Variants in KAZN observed in about 807,000 individuals in gnomAD.
KAZN encodes the protein kazrin.
KAZN carries 40 observed loss-of-function variants against 87.4 expected under a neutral mutation model. The observed-to-expected ratio is 0.46, with a 90% CI of 0.36 to 0.60. The LOEUF (loss-of-function observed/expected upper bound fraction) is 0.60, where lower values mean the gene tolerates loss of function less well. Among genes scored for constraint, KAZN ranks in the 20% least tolerant of loss-of-function variants. KAZN has a pLI of 0.00. For synonymous variants in KAZN, 466 were observed against 458.3 expected (o/e 1.02, Z -0.22); for missense variants, 898 against 1,073.9 (o/e 0.84, Z 2.29).
chr1:14,713,988 G>A (rs893024645), intron 1 of KAZN, among the ~76,000 whole-genome samples: 5 of 151,946 alleles, frequency 3.3e-5, no homozygotes, highest in African/African-American at 1.2e-4. Flanking sequence ...AAATAATATT[G>A]CCAAGGTTGA....
intron 1 of KAZN, among the ~76,000 whole-genome samples, chr1:14,936,570 C>T (rs1660481481): frequency 6.6e-6 from 1 of 152,140 alleles, no homozygotes; most frequent in African/African-American, 2.4e-5. Context: ...CCTCCACCCT[C>T]CCAGCAGTTA....
At chr1:13,950,850 C>T (rs567094438) in intron 1 of KAZN, among the ~76,000 whole-genome samples, 5 of 152,222 alleles carry the variant, frequency 3.3e-5, no homozygotes, top group African/African-American at 7.2e-5. Flanking sequence ...CCTCTTGGGG[C>T]GTTTCAGGGG....
intron 1 of KAZN, among the ~76,000 whole-genome samples, chr1:14,614,618 A>G (rs548683151): frequency 3.9e-5 from 6 of 152,332 alleles, no homozygotes; most frequent in African/African-American, 9.6e-5. Context: ...GCGCAAAACC[A>G]AATGTGATCT....
intron 1 of KAZN, among the ~76,000 whole-genome samples, chr1:14,712,182 A>G (rs1284038524): frequency 6.6e-6 from 1 of 152,222 alleles, no homozygotes; most frequent in African/African-American, 2.4e-5. Context: ...GGCAGTCTCT[A>G]ATTTGCATGT....
chr1:13,927,868 G>A (rs1466215030), intron 1 of KAZN, among the ~76,000 whole-genome samples: 1 of 152,226 alleles, frequency 6.6e-6, no homozygotes, highest in Admixed American at 6.5e-5. Flanking sequence ...TGAGACCTGA[G>A]TGATGGAAAA....
rs144646203 is a variant in KAZN, at chr1:14,837,485, C to T, written c.227-123199C>T. 3.4e-3 allele frequency among the ~76,000 whole-genome samples: 516 copies of T among 152,172 alleles called. 4 individuals carry two copies. The highest frequency in any genetic ancestry group is 0.012 in the African/African-American group (481 of 41,512). On this transcript the variant is annotated intron_variant, in intron 1 of 14. Transcript: ENST00000376030. Reference sequence around the variant, plus strand: ...AAGTGCTGGGATTTTAGGCGTGAGCCACTGTGCCTGGCCCATACCTGTTGT... The same window carrying T: ...AAGTGCTGGGATTTTAGGCGTGAGCTACTGTGCCTGGCCCATACCTGTTGT...
chr1:14,474,445 G>A (rs1432421108), intron 2 of KAZN, among the ~76,000 whole-genome samples: 1 of 152,110 alleles, frequency 6.6e-6, no homozygotes, highest in Non-Finnish European at 1.5e-5. Flanking sequence ...CTATCCAAGG[G>A]GAGACTATTC....
At chr1:14,784,290 A>G (rs993634394) in intron 1 of KAZN, among the ~76,000 whole-genome samples, 5 of 152,184 alleles carry the variant, frequency 3.3e-5, no homozygotes, top group Admixed American at 3.3e-4. Flanking sequence ...ACATCTACAA[A>G]ATACCTTCCT....
intron 2 of KAZN, among the ~76,000 whole-genome samples, chr1:14,222,763 G>A (rs1282397430): frequency 6.6e-6 from 1 of 152,162 alleles, no homozygotes; most frequent in Admixed American, 6.5e-5. Flanking sequence ...TAAGGATGAC[G>A]TTCTTTCACT....
intron 3 of KAZN, among the ~76,000 whole-genome samples, chr1:15,043,217 T>C (rs1462678871): frequency 1.3e-5 from 2 of 152,184 alleles, no homozygotes; most frequent in Admixed American, 6.5e-5. Context: ...GTCCAGACAA[T>C]TGGGGTCGCT....
intron 2 of KAZN, among the ~76,000 whole-genome samples, chr1:14,397,861 CAAAAAAAAAAA>C (rs761120479): frequency 2.5e-5 from 1 of 40,644 alleles, no homozygotes. Context: ...AACTCCATCT[CAAAAAAAAAAA>C]AAAAAAAAAA....
intron 1 of KAZN, among the ~76,000 whole-genome samples, chr1:14,045,162 A>G (rs1475760876): frequency 6.6e-6 from 1 of 152,236 alleles, no homozygotes; most frequent in Non-Finnish European, 1.5e-5. Context: ...TGAACTGCCC[A>G]GAAGAGCCCT....
At chr1:13,927,966 A>G (rs1234807267) in intron 1 of KAZN, among the ~76,000 whole-genome samples, 1 of 152,220 alleles carries the variant, frequency 6.6e-6, no homozygotes, top group East Asian at 1.9e-4. Flanking sequence ...CAAGCCTGGC[A>G]GTGGGTTCAA....
chr1:14,912,625 C>T (rs1219325414), intron 1 of KAZN, among the ~76,000 whole-genome samples: 1 of 152,200 alleles, frequency 6.6e-6, no homozygotes, highest in East Asian at 1.9e-4. Context: ...AAGCAATCCT[C>T]CTGCCTTGGC....
chr1:14,715,012 G>A (rs956803275), intron 1 of KAZN, among the ~76,000 whole-genome samples: 4 of 151,850 alleles, frequency 2.6e-5, no homozygotes, highest in Admixed American at 2.6e-4. Flanking sequence ...GCCCAGGCTG[G>A]TCTCAAACTC....
intron 2 of KAZN, among the ~76,000 whole-genome samples, chr1:14,593,018 G>A (rs1676295636): frequency 6.6e-6 from 1 of 152,232 alleles, no homozygotes; most frequent in African/African-American, 2.4e-5. Flanking sequence ...TATGTGCTGA[G>A]CACTGAAGGG....
chr1:13,933,724 C>T (rs1640618840), intron 1 of KAZN, among the ~76,000 whole-genome samples: 1 of 152,180 alleles, frequency 6.6e-6, no homozygotes, highest in Non-Finnish European at 1.5e-5. Flanking sequence ...TCATCGAGTA[C>T]TTGCTATGTG....
rs1201087155 is a variant in KAZN, at chr1:14,184,666, A to G, written c.249+4074A>G. 6.6e-6 allele frequency among the ~76,000 whole-genome samples: 1 copy of G among 152,088 alleles called. No individual in the cohort carries two copies. Among genetic ancestry groups the G allele is most frequent in the Non-Finnish European group, 1.5e-5 (1 of 68,018 alleles). ...CTCTTCTAGATGATTGTGCTTTCCA[A>G]TTGGTTTCTGGCAAAACTGGGCCGA... On this transcript the variant is annotated intron_variant, in intron 2 of 16. Transcript: ENST00000636203. This position sits in a 1 kb window ranked among gnomAD's most constrained non-coding sequence, Gnocchi z 4.2.
chr1:14,992,732 G>C lies in KAZN; in HGVS notation c.418+31857G>C, dbSNP rs576358725. Among the ~76,000 whole-genome samples the C allele has an allele frequency of 5.9e-5, 9 of 152,110 alleles. No homozygotes were observed. The East Asian group carries it at 1.8e-3, about 30-fold the overall frequency. On this transcript the variant is annotated intron_variant, in intron 2 of 14. Coordinates refer to ENST00000376030, the MANE Select transcript of KAZN (RefSeq NM_201628.3). The stretch of plus-strand genomic sequence containing the variant: ...AATCTCGTCTCACTGCAACCTCCAT[G>C]TCCCGGGTTCGAGCGATTCTCCTGC...
Sources: gnomAD v4.1 joint callset for allele counts (sites outside exome capture counted in the v4.1 genomes callset) on GRCh38, gnomAD v4.1.1 for gene constraint, Gnocchi (gnomAD v3.1) non-coding constraint, MANE v1.5 for transcripts, NCBI Gene and HGNC (gene_info 2026-07-23, HGNC 2026-07-21) for gene names.